Variants in DNAJA2 observed in about 807,000 individuals in gnomAD.
DNAJA2 encodes dnaJ homolog subfamily A member 2.
DNAJA2 carries 6 observed loss-of-function variants against 49.3 expected under a neutral mutation model. The ratio of observed to expected loss-of-function variants is 0.12; its 90% CI spans 0.07 to 0.24. DNAJA2 has a LOEUF of 0.24. Among genes scored for constraint, DNAJA2 ranks in the 10% least tolerant of loss-of-function variants. The probability of loss-of-function intolerance (pLI) is 1.00; values close to 1 mark genes in which losing one functional copy is unlikely to be tolerated. For synonymous variants in DNAJA2, 160 were observed against 172.7 expected (o/e 0.93, Z 0.58); for missense variants, 347 against 516.8 (o/e 0.67, Z 3.19).
intron 1 of DNAJA2, chr16:46,972,826 G>C (rs1962073451): frequency 6.6e-6 from 1 of 152,250 alleles, no homozygotes; most frequent in African/African-American, 2.4e-5. Context: ...CAGGCGTTTG[G>C]CTGGGACCAC....
At chr16:46,965,691 C>T (rs1213997212) in intron 5 of DNAJA2, among the ~76,000 whole-genome samples, 9 of 151,588 alleles carry the variant, frequency 5.9e-5, no homozygotes, top group Admixed American at 3.9e-4. Flanking sequence ...ATCAGCCGGG[C>T]GTGGTGGCAG....
chr16:46,971,660 C>CTAAAAAA (rs1962049913), intron 2 of DNAJA2, 88 bp from the exon 3 acceptor site: 2 of 172,732 alleles, frequency 1.2e-5, no homozygotes, highest in Non-Finnish European at 1.9e-5. Flanking sequence ...CCATTTAATT[C>CTAAAAAA]TAAAAAAAAA....
At chr16:46,965,559 G>A (rs1419616512) in intron 5 of DNAJA2, among the ~76,000 whole-genome samples, 1 of 152,156 alleles carries the variant, frequency 6.6e-6, no homozygotes, top group Non-Finnish European at 1.5e-5. Flanking sequence ...GGCCGGGCAT[G>A]GTGGCTCACA....
At chr16:46,958,223 G>A (rs1235443143) in intron 8 of DNAJA2, among the ~76,000 whole-genome samples, 2 of 150,266 alleles carry the variant, frequency 1.3e-5, no homozygotes, top group African/African-American at 2.4e-5. Context: ...GCCACTGCAC[G>A]CCAGCCTGGG....
Position 46,973,579 on chromosome 16 carries a change from C to T in DNAJA2, c.-7G>A. On this transcript the variant is annotated 5_prime_UTR_variant, in exon 1 of 9. Transcript: ENST00000317089. ...TGTCAGCCACGTTAGCCATGGCGGC[C>T]GGCCGGGCAGTGCTCGGGGAGAAGG... The T allele has an allele frequency of 1.3e-6, 2 of 1,592,136 alleles. No homozygotes were observed. The highest frequency in any genetic ancestry group is 8.5e-7 in the Non-Finnish European group (1 of 1,174,604).
intron 6 of DNAJA2, 145 bp downstream of exon 6, chr16:46,964,466 G>T: frequency 1.4e-6 from 1 of 711,648 alleles, no homozygotes; most frequent in Non-Finnish European, 2.3e-6. Context: ...ACACAAGCCC[G>T]TCTTAGGAAC....
At chr16:46,965,378 G>A (rs928393106) in intron 5 of DNAJA2, among the ~76,000 whole-genome samples, 2 of 152,136 alleles carry the variant, frequency 1.3e-5, no homozygotes, top group Non-Finnish European at 2.9e-5. Flanking sequence ...AAGCAAAACC[G>A]TGATTATACA....
chr16:46,967,978 C>T, intron 4 of DNAJA2, 106 bp downstream of exon 4: 1 of 1,123,030 alleles, frequency 8.9e-7, no homozygotes, highest in Non-Finnish European at 1.3e-6. Context: ...CCACCGCACC[C>T]AGCCGTAAGT....
intron 5 of DNAJA2, among the ~76,000 whole-genome samples, chr16:46,966,502 C>A (rs1022155128): frequency 6.6e-6 from 1 of 152,186 alleles, no homozygotes. Context: ...CTGTACTGGA[C>A]ACTGCAGATA....
chr16:46,971,305 C>G, intron 3 of DNAJA2, 44 bp downstream of exon 3: 1 of 1,562,870 alleles, frequency 6.4e-7, no homozygotes, highest in Non-Finnish European at 8.7e-7. Context: ...TCCCACTTGA[C>G]AAAAAGTACT....
At chr16:46,969,373 T>C (rs7189628) in intron 3 of DNAJA2, among the ~76,000 whole-genome samples, 129,935 of 152,252 alleles carry the variant, frequency 0.85, 57,098 homozygotes, top group East Asian at 0.98. Context: ...AAAACGCTTG[T>C]TGCATCTTGT....
intron 5 of DNAJA2, among the ~76,000 whole-genome samples, chr16:46,966,670 A>G (rs1355896897): frequency 6.6e-6 from 1 of 152,236 alleles, no homozygotes; most frequent in Non-Finnish European, 1.5e-5. Context: ...AAGGTCAGAG[A>G]TGAGTAGTTG....
intron 3 of DNAJA2, among the ~76,000 whole-genome samples, chr16:46,969,290 T>C (rs777176235): frequency 6.6e-6 from 1 of 152,224 alleles, no homozygotes; most frequent in Non-Finnish European, 1.5e-5. Flanking sequence ...AGGATAAGAA[T>C]ACCACACGTA....
At chr16:46,967,745 C>A in intron 4 of DNAJA2, 99 bp from the exon 5 acceptor site, 2 of 1,463,074 alleles carry the variant, frequency 1.4e-6, no homozygotes, top group Non-Finnish European at 1.9e-6. Flanking sequence ...TCTTCAACCC[C>A]AATAACTTGT....
At chr16:46,959,487 T>TCAAGGAACATAA in intron 6 of DNAJA2, 68 bp from the exon 7 acceptor site, 1 of 1,410,246 alleles carries the variant, frequency 7.1e-7, no homozygotes, top group Non-Finnish European at 9.8e-7. Flanking sequence ...CAGCATTATG[T>TCAAGGAACATAA]TCCTTGACTT....
Position 46,956,350 on chromosome 16 carries a change from GT to G in DNAJA2, c.*678del, listed in dbSNP as rs1596653265. ...CAGTACTAAGGATACATTCTTTTAT[GT>G]TTTTCCTTCTAAAAATGTGACACAA... On this transcript the variant is annotated 3_prime_UTR_variant, in exon 9 of 9. Coordinates refer to ENST00000317089, the MANE Select transcript of DNAJA2 (RefSeq NM_005880.4). 6.8e-6 allele frequency: 1 copy of G among 146,292 alleles called. No individual in the cohort carries two copies. The highest frequency in any genetic ancestry group is 2.1e-4 in the East Asian group (1 of 4,866). The allele number at this position is 146,292 out of a possible 1,614,324, so 9.1% of individuals were successfully genotyped here. A position where few individuals can be genotyped will look rare whatever the true frequency, so the allele number is the denominator to read the frequency against.
In DNAJA2 at chr16:46,956,743, GCA is replaced by G. The variant is rs2092263930; in HGVS notation, c.*284_*285del. 1.1e-5 allele frequency: 3 copies of G among 281,864 alleles called. No homozygotes were observed. 17.5% of individuals were successfully genotyped at this position (281,864 alleles called of 1,614,324 possible). A position where few individuals can be genotyped will look rare whatever the true frequency, so the allele number is the denominator to read the frequency against. ...TCTACACAAAACTGATAAAAATCAA[GCA>G]CAGATACCAGGATTGAAACTTATAA... On this transcript the variant is annotated 3_prime_UTR_variant, in exon 9 of 9. Coordinates refer to ENST00000317089, the MANE Select transcript of DNAJA2 (RefSeq NM_005880.4).
In DNAJA2 at chr16:46,959,048, A is replaced by C. The variant is rs1274857452; in HGVS notation, c.1002T>G (p.Asp334Glu). ...TCCAGTTGTTTTCAGGAAACTGCAC[A>C]TCAAACTTTATGTAAAGATCACCTT... ...FEKGDLYIKF[D>E]VQFPENNWIN... Residue 334 changes from aspartate to glutamate, a missense_variant, in exon 8 of 9, where the codon GAT becomes GAG. By Grantham distance (45) the Asp-to-Glu change is conservative (BLOSUM62 2). Coordinates refer to ENST00000317089, the MANE Select transcript of DNAJA2 (RefSeq NM_005880.4). 1 of 1,612,026 alleles carries C rather than the reference A, an allele frequency of 6.2e-7. No homozygotes were observed. The highest frequency in any genetic ancestry group is 8.5e-7 in the Non-Finnish European group (1 of 1,179,518).
Position 46,959,390 on chromosome 16 carries a change from G to A in DNAJA2, c.804C>T (p.His268=), listed in dbSNP as rs147416569. 3 of 1,612,500 alleles carry A rather than the reference G, an allele frequency of 1.9e-6. No homozygotes were observed. The highest frequency in any genetic ancestry group is 2.7e-5 in the African/African-American group (2 of 74,938). ...CAACAAGTCCTATTTTATATGTCATGTGCAAATCATTCCCATCTCTCTGAA... is the reference window on the plus strand; with the variant it reads ...CAACAAGTCCTATTTTATATGTCATATGCAAATCATTCCCATCTCTCTGAA... ...EVFQRDGNDL[H]MTYKIGLVEA... The change falls in exon 7 of 9, where the codon CAC becomes CAT. Residue 268 remains histidine (H), a synonymous_variant. Coordinates refer to ENST00000317089, the MANE Select transcript of DNAJA2 (RefSeq NM_005880.4).
Sources: gnomAD v4.1 joint callset for allele counts (sites outside exome capture counted in the v4.1 genomes callset) on GRCh38, gnomAD v4.1.1 for gene constraint, MANE v1.5 for transcripts, NCBI Gene and HGNC (gene_info 2026-07-23, HGNC 2026-07-21) for gene names.